PIEZO2: variants seen among roughly 807,000 people sequenced by gnomAD.
PIEZO2 encodes the protein piezo-type mechanosensitive ion channel component 2.
A neutral mutation model predicts 337.3 loss-of-function variants in PIEZO2; 172 were observed. That is an observed-to-expected ratio of 0.51 (90% confidence interval 0.45 to 0.58). PIEZO2 has a LOEUF of 0.58. PIEZO2 is among the 20% of genes least tolerant of loss of function. The pLI, the probability that PIEZO2 is intolerant of heterozygous loss-of-function variation, is 0.00. For missense variants in PIEZO2, 3,028 were observed against 3,391.3 expected (o/e 0.89, Z 2.66); for synonymous variants, 1,251 against 1,228.5 (o/e 1.02, Z -0.38).
At position 10,715,715 on chromosome 18, in the gene PIEZO2, C is replaced by T. The variant is rs1331587237; in HGVS notation, c.5191G>A (p.Glu1731Lys). 6.5e-7 allele frequency: 1 copy of T among 1,536,612 alleles called. No homozygotes were observed. The highest frequency in any genetic ancestry group is 8.7e-7 in the Non-Finnish European group (1 of 1,146,636). Residue 1731 changes from glutamate (E) to lysine (K), a missense_variant, in exon 38 of 56, where the codon GAG becomes AAG. Glu to Lys is a moderately conservative substitution (Grantham distance 56). Around this residue, in one of 5 missense-constraint regions of PIEZO2, gnomAD observed 1,925 missense variants for 2,051.9 expected, o/e 0.94. Coordinates refer to ENST00000674853, the MANE Select transcript of PIEZO2 (RefSeq NM_001378183.1). ...AGAACTGTAGATATATCAATATGCT[C>T]CCTTGAAATGGAGTTAAGCCAAGTA... is the stretch of plus-strand genomic sequence containing the variant. ...FTTWLNSISR[E>K]HIDISTVLRI... is the part of the protein sequence containing the mutation.
At chr18:10,742,803 T>TGTGC (rs1568008046) in intron 31 of PIEZO2, among the ~76,000 whole-genome samples, 188 bp from the exon 32 acceptor site, 2 of 149,432 alleles carry the variant, frequency 1.3e-5, no homozygotes, top group African/African-American at 2.5e-5. Context: ...CATATTTGTG[T>TGTGC]GTGTGTGTGT....
chr18:10,975,282 T>G (rs2034400381), intron 3 of PIEZO2, among the ~76,000 whole-genome samples: 1 of 152,010 alleles, frequency 6.6e-6, no homozygotes, highest in Non-Finnish European at 1.5e-5. Flanking sequence ...TAACACGGAG[T>G]CAAACAAACT....
Position 11,111,257 on chromosome 18 carries a change from C to G in PIEZO2, c.64+37268G>C, listed in dbSNP as rs955953163. On this transcript the variant is annotated intron_variant, in intron 1 of 55. Coordinates refer to ENST00000674853, the MANE Select transcript of PIEZO2 (RefSeq NM_001378183.1). The surrounding 1 kb of genome is among the most constrained non-coding windows in gnomAD (Gnocchi z 6.2). ...TGGAGATCTCTGGGGTCTGTGAGAACTTCCCTGGCCTTCGTTTCCCATCCC... is the reference window on the plus strand; with the variant it reads ...TGGAGATCTCTGGGGTCTGTGAGAAGTTCCCTGGCCTTCGTTTCCCATCCC... Among the ~76,000 whole-genome samples, 1 of 152,174 alleles carries G rather than the reference C, an allele frequency of 6.6e-6. No homozygotes were observed. Among genetic ancestry groups the G allele is most frequent in the Non-Finnish European group, 1.5e-5 (1 of 68,020 alleles).
intron 2 of PIEZO2, among the ~76,000 whole-genome samples, chr18:11,049,528 T>A (rs1328828187): frequency 6.6e-6 from 1 of 152,174 alleles, no homozygotes; most frequent in Non-Finnish European, 1.5e-5. Context: ...CAGGGCAGCA[T>A]TTAAATAAAA....
At chr18:10,765,834 T>G (rs2038329951) in intron 21 of PIEZO2, among the ~76,000 whole-genome samples, 1 of 151,476 alleles carries the variant, frequency 6.6e-6, no homozygotes, top group African/African-American at 2.4e-5. Context: ...AGGAAGCTGG[T>G]GGGAAGGGCG....
chr18:10,805,986 G>T (rs1322332629), intron 8 of PIEZO2, among the ~76,000 whole-genome samples: 1 of 152,256 alleles, frequency 6.6e-6, no homozygotes, highest in African/African-American at 2.4e-5. Context: ...CTTTTAGAAT[G>T]TACAGCTCTC....
rs72972061 is a variant in PIEZO2, at chr18:10,743,365, G to T, written c.4515-750C>A. Among the ~76,000 whole-genome samples the T allele has an allele frequency of 3.3e-3, 497 of 152,216 alleles. 2 individuals are homozygous for T. Among genetic ancestry groups the T allele is most frequent in the Middle Eastern group, 6.8e-3 (2 of 294 alleles). On this transcript the variant is annotated intron_variant, in intron 31 of 55. Transcript: ENST00000674853. ...CCATTTGCTTGGGGAAAGTATCTAG[G>T]CTTATAATTCCATGGCCATCACCTT...
rs2033759142 is a variant in PIEZO2 at position 10,671,240 on chromosome 18, A to G, written c.*287T>C. The G allele has an allele frequency of 3.7e-6, 1 of 268,304 alleles. No individual in the cohort carries two copies. The highest frequency in any genetic ancestry group is 2.2e-5 in the African/African-American group (1 of 44,584). The allele number at this position is 268,304 out of a possible 1,614,324, so 16.6% of individuals were successfully genotyped here. A position where few individuals can be genotyped will look rare whatever the true frequency, so the allele number is the denominator to read the frequency against. The stretch of plus-strand genomic sequence containing the variant: ...TCTGTTTCTCTTAGGGACGGGGCCC[A>G]TAAATGATTCCTTCACATGATCAAT... On this transcript the variant is annotated 3_prime_UTR_variant, in exon 56 of 56. Coordinates refer to ENST00000674853, the MANE Select transcript of PIEZO2 (RefSeq NM_001378183.1).
At chr18:10,772,062 C>T (rs1047667551) in intron 20 of PIEZO2, among the ~76,000 whole-genome samples, 2 of 151,756 alleles carry the variant, frequency 1.3e-5, no homozygotes, top group African/African-American at 2.4e-5. Context: ...TTATTAATAA[C>T]GAAAGAAAAA....
In PIEZO2 at chr18:10,824,506, CAG is replaced by C. The variant is rs1444646526; in HGVS notation, c.918-17234_918-17233del. Reference sequence around the variant, plus strand: ...CTAATAAAATTTTAAATGAACATGACAGAGAAATTTAGATTTAGATTTCTAGA... The same window carrying C: ...CTAATAAAATTTTAAATGAACATGACAGAAATTTAGATTTAGATTTCTAGA... On this transcript the variant is annotated intron_variant, in intron 7 of 55. Coordinates refer to ENST00000674853, the MANE Select transcript of PIEZO2 (RefSeq NM_001378183.1). The surrounding 1 kb of genome is among the most constrained non-coding windows in gnomAD (Gnocchi z 4.4). Among the ~76,000 whole-genome samples, 1 of 151,964 alleles carries C rather than the reference CAG, an allele frequency of 6.6e-6. No individual in the cohort carries two copies. The highest frequency in any genetic ancestry group is 2.1e-4 in the South Asian group (1 of 4,826).
chr18:10,749,376 T>C (rs1000075084), intron 29 of PIEZO2, among the ~76,000 whole-genome samples: 2 of 152,248 alleles, frequency 1.3e-5, no homozygotes, highest in South Asian at 2.1e-4. Context: ...AGTGGGAGGA[T>C]TGCTGGAGCC....
chr18:10,943,745 G>T lies in PIEZO2; in HGVS notation c.287-32517C>A, dbSNP rs1283819676. Among the ~76,000 whole-genome samples the T allele has an allele frequency of 6.6e-6, 1 of 152,174 alleles. No individual in the cohort carries two copies. The highest frequency in any genetic ancestry group is 2.4e-5 in the African/African-American group (1 of 41,438). ...AAATGTGAAGATATGAGATTTGGGAGGGGCCAGGGGCAGAATGACATGGTT... is the reference window on the plus strand; with the variant it reads ...AAATGTGAAGATATGAGATTTGGGATGGGCCAGGGGCAGAATGACATGGTT... On this transcript the variant is annotated intron_variant, in intron 3 of 55. Transcript: ENST00000674853. The surrounding 1 kb of genome is among the most constrained non-coding windows in gnomAD (Gnocchi z 4.5).
rs2040879076 is a variant in PIEZO2 at position 11,148,879 on chromosome 18, G to C, written c.-291C>G. 3 of 360,628 alleles carry C rather than the reference G, an allele frequency of 8.3e-6. No homozygotes were observed. The highest frequency in any genetic ancestry group is 1.5e-5 in the Non-Finnish European group (3 of 203,548). The allele number at this position is 360,628 out of a possible 1,614,324, so 22.3% of individuals were successfully genotyped here. On this transcript the variant is annotated 5_prime_UTR_variant, in exon 1 of 56. Transcript: ENST00000674853. This position sits in a 1 kb window ranked among gnomAD's most constrained non-coding sequence, Gnocchi z 5.2. Reference sequence around the variant, plus strand: ...CCCATTTAGTGTGAATCCTGGATCCGGCAGCGGCGGCGGCTTCTTCAGGGG... The same window carrying C: ...CCCATTTAGTGTGAATCCTGGATCCCGCAGCGGCGGCGGCTTCTTCAGGGG...
intron 7 of PIEZO2, among the ~76,000 whole-genome samples, chr18:10,823,031 A>G (rs2040566499): frequency 6.6e-6 from 1 of 152,158 alleles, no homozygotes; most frequent in African/African-American, 2.4e-5. Flanking sequence ...AAATGATATA[A>G]CTTTTTCTTT....
At chr18:10,941,580 C>T (rs1206546890) in intron 3 of PIEZO2, among the ~76,000 whole-genome samples, 2 of 152,126 alleles carry the variant, frequency 1.3e-5, no homozygotes, top group South Asian at 2.1e-4. Context: ...AAAAGGAATA[C>T]GTTTTCATTC....
intron 36 of PIEZO2, among the ~76,000 whole-genome samples, chr18:10,729,193 C>T (rs1362315768): frequency 6.6e-6 from 1 of 152,088 alleles, no homozygotes; most frequent in Non-Finnish European, 1.5e-5. Flanking sequence ...GATAAAGTTA[C>T]TAGGATGTAT....
At chr18:10,725,569 C>A in intron 36 of PIEZO2, 1 of 1,368,634 alleles carries the variant, frequency 7.3e-7, no homozygotes, top group Non-Finnish European at 9.9e-7. Flanking sequence ...TCTCCCCTGT[C>A]CCTCCTGAGG....
At chr18:11,013,792 C>G (rs1284170527) in intron 2 of PIEZO2, among the ~76,000 whole-genome samples, 2 of 152,164 alleles carry the variant, frequency 1.3e-5, no homozygotes, top group African/African-American at 4.8e-5. Flanking sequence ...ATGGGAAACT[C>G]AAACACCAGG....
chr18:10,732,050 T>A (rs1380378246), intron 35 of PIEZO2, among the ~76,000 whole-genome samples: 1 of 152,080 alleles, frequency 6.6e-6, no homozygotes, highest in African/African-American at 2.4e-5. Context: ...GGAAAAAAAA[T>A]GTGATATTAA....
Sources: gnomAD v4.1 joint callset for allele counts (sites outside exome capture counted in the v4.1 genomes callset) on GRCh38, gnomAD v4.1.1 for gene constraint, gnomAD v4.1.1 regional missense constraint, Gnocchi (gnomAD v3.1) non-coding constraint, MANE v1.5 for transcripts, NCBI Gene and HGNC (gene_info 2026-07-23, HGNC 2026-07-21) for gene names.